Variants in HSD17B12 observed in about 807,000 individuals in gnomAD.
HSD17B12 encodes the protein very-long-chain 3-oxoacyl-CoA reductase.
A neutral mutation model predicts 39.3 loss-of-function variants in HSD17B12; 32 were observed. The observed-to-expected ratio is 0.81, with a 90% CI of 0.61 to 1.09. HSD17B12 has a LOEUF of 1.09. Among genes scored for constraint, HSD17B12 ranks in the 50% least tolerant of loss-of-function variants. The pLI is 0.00. For synonymous variants in HSD17B12, 150 were observed against 146.7 expected (o/e 1.02, Z -0.16); for missense variants, 342 against 382.9 (o/e 0.89, Z 0.89).
chr11:43,707,445 A>G (rs1310076744), intron 1 of HSD17B12, among the ~76,000 whole-genome samples: 2 of 152,232 alleles, frequency 1.3e-5, no homozygotes, highest in Non-Finnish European at 2.9e-5. Flanking sequence ...CTCCACTCCA[A>G]CCATACTGGC....
rs1477416639 is a variant in HSD17B12, at chr11:43,807,796, G to T, written c.392-7641G>T. ...GAAATAGGACCAATTTCTGATGAGGGTCCTCATCGGAGGTCTTGAGTAAAG... is the reference window on the plus strand; with the variant it reads ...GAAATAGGACCAATTTCTGATGAGGTTCCTCATCGGAGGTCTTGAGTAAAG... On this transcript the variant is annotated intron_variant, in intron 4 of 10. Coordinates refer to ENST00000278353, the MANE Select transcript of HSD17B12 (RefSeq NM_016142.3). Among the ~76,000 whole-genome samples the T allele has an allele frequency of 2.6e-5, 4 of 152,102 alleles. No homozygotes were observed. In the East Asian group the frequency reaches 7.7e-4, roughly 29 times the overall value.
chr11:43,798,967 C>T (rs1169995852), intron 4 of HSD17B12, among the ~76,000 whole-genome samples: 4 of 151,996 alleles, frequency 2.6e-5, no homozygotes, highest in Non-Finnish European at 5.9e-5. Context: ...GTATTTTTGA[C>T]CCGTCACTGG....
rs562812487 is a variant in HSD17B12 at position 43,692,893 on chromosome 11, T to C, written c.160+11906T>C. Among the ~76,000 whole-genome samples, 4 of 152,326 alleles carry C rather than the reference T, an allele frequency of 2.6e-5. No individual in the cohort carries two copies. In the South Asian group the frequency reaches 8.3e-4, roughly 32 times the overall value. On this transcript the variant is annotated intron_variant, in intron 1 of 10. Coordinates refer to ENST00000278353, the MANE Select transcript of HSD17B12 (RefSeq NM_016142.3). ...CTGCTATAAAGTTAACCATAGAGCA[T>C]TGAGTATATAGTTTATTTGCTTCAT...
chr11:43,682,343 G>C (rs1188499356), intron 1 of HSD17B12, among the ~76,000 whole-genome samples: 1 of 152,176 alleles, frequency 6.6e-6, no homozygotes, highest in African/African-American at 2.4e-5. Context: ...ACAAGGTCAG[G>C]AGTTTGAGAC....
the HSD17B12 span, among the ~76,000 whole-genome samples, chr11:43,662,377 T>TTGTGTGTGTGTGTGTGTGTG: frequency 7.8e-6 from 1 of 128,480 alleles, no homozygotes; most frequent in Non-Finnish European, 1.6e-5. Flanking sequence ...TTTATTTTAT[T>TTGTGTGTGTGTGTGTGTGTG]TGTGTGTGTG....
intron 3 of HSD17B12, among the ~76,000 whole-genome samples, chr11:43,775,378 C>T (rs1257462286): frequency 2.6e-5 from 4 of 152,218 alleles, no homozygotes; most frequent in South Asian, 2.1e-4. Context: ...TGCTGATGAG[C>T]GACAGATGCA....
intron 1 of HSD17B12, chr11:43,718,618 G>A (rs1950147487): frequency 1.6e-6 from 1 of 616,444 alleles, no homozygotes; most frequent in African/African-American, 1.8e-5. Flanking sequence ...CTGGGCACAT[G>A]TTACTAAGTC....
chr11:43,623,033 A>G, the HSD17B12 span, among the ~76,000 whole-genome samples: 1 of 152,136 alleles, frequency 6.6e-6, no homozygotes, highest in African/African-American at 2.4e-5. Flanking sequence ...TTTCAGCAGC[A>G]ATTTTGTGGG....
intron 4 of HSD17B12, among the ~76,000 whole-genome samples, chr11:43,804,576 T>G (rs1053530812): frequency 6.6e-6 from 1 of 152,208 alleles, no homozygotes; most frequent in Non-Finnish European, 1.5e-5. Flanking sequence ...GGTGAATTAT[T>G]TTTTAATTGG....
At chr11:43,742,391 C>T (rs778505036) in intron 1 of HSD17B12, among the ~76,000 whole-genome samples, 5 of 151,846 alleles carry the variant, frequency 3.3e-5, no homozygotes, top group Admixed American at 6.6e-5. Flanking sequence ...TTCTTCCCAC[C>T]TCAGCCTCCC....
chr11:43,627,050 C>T, the HSD17B12 span, among the ~76,000 whole-genome samples: 1 of 151,994 alleles, frequency 6.6e-6, no homozygotes, highest in Non-Finnish European at 1.5e-5. Flanking sequence ...AGTTGCTAGA[C>T]ATCACTCGGA....
At chr11:43,673,477 CTTTTCTTTTCTTTTCT>C in the HSD17B12 span, 2 of 52,742 alleles carry the variant, frequency 3.8e-5, no homozygotes, top group African/African-American at 4.9e-5. Flanking sequence ...CTTTTCTTTT[CTTTTCTTTTCTTTTCT>C]TTTTTTTTTT....
At chr11:43,770,699 C>T (rs1011395217) in intron 3 of HSD17B12, among the ~76,000 whole-genome samples, 3 of 152,118 alleles carry the variant, frequency 2.0e-5, no homozygotes, top group South Asian at 2.1e-4. Flanking sequence ...CTCGTCACTG[C>T]GCTCCAGCCT....
At chr11:43,609,287 T>C in the HSD17B12 span, among the ~76,000 whole-genome samples, 2 of 150,160 alleles carry the variant, frequency 1.3e-5, no homozygotes, top group African/African-American at 2.4e-5. Flanking sequence ...ACAGGTAAAC[T>C]ATGATGAATA....
At chr11:43,687,917 T>A (rs942468346) in intron 1 of HSD17B12, among the ~76,000 whole-genome samples, 2 of 152,198 alleles carry the variant, frequency 1.3e-5, no homozygotes. Context: ...TTGCCTTTTT[T>A]AAAATGTCAA....
the HSD17B12 span, among the ~76,000 whole-genome samples, chr11:43,591,352 A>G: frequency 1.1e-4 from 17 of 152,234 alleles, no homozygotes; most frequent in African/African-American, 3.4e-4. Context: ...AATCGTAGAT[A>G]TTTTCCTCTC....
the HSD17B12 span, among the ~76,000 whole-genome samples, chr11:43,638,059 G>T: frequency 1.3e-5 from 2 of 152,104 alleles, no homozygotes; most frequent in Admixed American, 6.5e-5. Context: ...TGTCTGGGAG[G>T]GGGAGGGAAA....
intron 3 of HSD17B12, 157 bp downstream of exon 3, chr11:43,754,278 A>T (rs992650796): frequency 8.4e-6 from 5 of 592,158 alleles, no homozygotes; most frequent in Non-Finnish European, 1.5e-5. Context: ...TTAAAAATGG[A>T]TCATCAATTT....
chr11:43,633,464 A>G, the HSD17B12 span, among the ~76,000 whole-genome samples: 1 of 152,088 alleles, frequency 6.6e-6, no homozygotes, highest in South Asian at 2.1e-4. Context: ...CCCAGGAGGC[A>G]GAGGTTGCAG....
Sources: gnomAD v4.1 joint callset for allele counts (sites outside exome capture counted in the v4.1 genomes callset) on GRCh38, gnomAD v4.1.1 for gene constraint, MANE v1.5 for transcripts, NCBI Gene and HGNC (gene_info 2026-07-23, HGNC 2026-07-21) for gene names.